USP54: variants seen among roughly 807,000 people sequenced by gnomAD.
USP54 encodes ubiquitin carboxyl-terminal hydrolase 54.
A neutral mutation model predicts 170.5 loss-of-function variants in USP54; 87 were observed. That is an observed-to-expected ratio of 0.51 (90% confidence interval 0.43 to 0.61). The LOEUF (loss-of-function observed/expected upper bound fraction) is 0.61, where lower values mean the gene tolerates loss of function less well. USP54 is among the 20% of genes least tolerant of loss of function. The pLI, the probability that USP54 is intolerant of heterozygous loss-of-function variation, is 0.00. For missense variants in USP54, 1,786 were observed against 2,047.8 expected (o/e 0.87, Z 2.47); for synonymous variants, 655 against 742.8 (o/e 0.88, Z 1.92).
At chr10:73,549,808 T>C (rs928940210) in intron 4 of USP54, among the ~76,000 whole-genome samples, 1 of 152,170 alleles carries the variant, frequency 6.6e-6, no homozygotes, top group Non-Finnish European at 1.5e-5. Flanking sequence ...TTTAAAAATA[T>C]AAATCAGATC....
chr10:73,501,990 C>T (rs1375495008), intron 22 of USP54, among the ~76,000 whole-genome samples: 1 of 152,168 alleles, frequency 6.6e-6, no homozygotes, highest in Non-Finnish European at 1.5e-5. Context: ...CTTTATCATA[C>T]TTATCATTGT....
intron 4 of USP54, among the ~76,000 whole-genome samples, chr10:73,561,924 G>A (rs1354045904): frequency 6.6e-6 from 1 of 151,882 alleles, no homozygotes; most frequent in Non-Finnish European, 1.5e-5. Context: ...CAGACCAGAC[G>A]GGAAGCATAA....
upstream of USP54, among the ~76,000 whole-genome samples, chr10:73,592,988 A>G (rs2078401361): frequency 6.6e-6 from 1 of 152,266 alleles, no homozygotes; most frequent in African/African-American, 2.4e-5. Context: ...ACCCTGTATC[A>G]ACCACTGGGC....
rs2066081524 is a variant in USP54 at position 73,539,427 on chromosome 10, G to A, written c.975+17C>T. 3.2e-6 allele frequency: 5 copies of A among 1,580,142 alleles called. No homozygotes were observed. The highest frequency in any genetic ancestry group is 4.3e-6 in the Non-Finnish European group (5 of 1,161,304). On this transcript the variant is annotated intron_variant, in intron 10 of 23. Transcript: ENST00000687698. ...TGTAGTCACCAAACACTTCAAAAAG[G>A]ACTTGACTACTCCTACCTCCTTGAC... is the stretch of plus-strand genomic sequence containing the variant.
chr10:73,620,092 C>G (rs1218017608), intron 1 of USP54, among the ~76,000 whole-genome samples: 1 of 150,090 alleles, frequency 6.7e-6, no homozygotes, highest in Non-Finnish European at 1.5e-5. Flanking sequence ...GTGGGCAGAT[C>G]ACTTGAGGTC....
intron 1 of USP54, chr10:73,615,269 G>GAA (rs1174128941): frequency 6.7e-6 from 1 of 150,322 alleles, no homozygotes; most frequent in Non-Finnish European, 1.5e-5. Context: ...TGAGGGACAA[G>GAA]AATCGCTTGA....
At chr10:73,572,283 A>C (rs2075338672) in intron 3 of USP54, among the ~76,000 whole-genome samples, 1 of 152,228 alleles carries the variant, frequency 6.6e-6, no homozygotes, top group African/African-American at 2.4e-5. Context: ...GGAGCCTAAG[A>C]AGACATGACA....
At position 73,536,355 on chromosome 10, in the gene USP54, T is replaced by C; in HGVS notation, c.1058A>G (p.Gln353Arg). 3.7e-6 allele frequency: 6 copies of C among 1,613,646 alleles called. No individual in the cohort carries two copies. Among genetic ancestry groups the C allele is most frequent in the Non-Finnish European group, 3.4e-6 (4 of 1,179,752 alleles). Residue 353 changes from glutamine (Q) to arginine (R), a missense_variant, in exon 11 of 24, where the codon CAG becomes CGG. Physicochemically the swap from Gln to Arg is conservative, Grantham distance 43. This residue lies in a region of USP54 where 361 missense variants were observed against 455.0 expected (regional missense o/e 0.79). Coordinates refer to ENST00000687698, the MANE Select transcript of USP54 (RefSeq NM_001391956.1). ...QPLLLLYADP[Q>R]GTPVSTQDLP... ...GTCCTGGGTGGAAACTGGGGTACCC[T>C]GGGGATCTGCATAAAGCAGCAGCAG...
At chr10:73,527,587 C>T (rs117071615) in intron 15 of USP54, among the ~76,000 whole-genome samples, 1,911 of 150,284 alleles carry the variant, frequency 0.013, 16 homozygotes, top group Middle Eastern at 0.025. Flanking sequence ...AGTTATAAAG[C>T]AAACTGAGCC....
rs562177103 is a variant in USP54 at position 73,529,705 on chromosome 10, G to A, written c.2035C>T (p.Leu679=). 6.2e-6 allele frequency: 10 copies of A among 1,614,104 alleles called. No homozygotes were observed. The highest frequency in any genetic ancestry group is 2.2e-5 in the South Asian group (2 of 91,076). ...CTGTAGACATTTGAGCTCTCAGGCA[G>A]GGCTGCATCCAGGCTGACAGGGCTG... is the stretch of plus-strand genomic sequence containing the variant. ...SSSPVSLDAA[L]PESSNVYRDP... The change falls in exon 15 of 24, where the codon CTG becomes TTG. Residue 679 remains leucine (L), a synonymous_variant. Transcript: ENST00000687698.
upstream of USP54, among the ~76,000 whole-genome samples, chr10:73,592,929 A>T (rs1414228774): frequency 6.6e-6 from 1 of 152,248 alleles, no homozygotes; most frequent in Non-Finnish European, 1.5e-5. Flanking sequence ...GACATTTCTT[A>T]TTCCCTCTTC....
intron 22 of USP54, among the ~76,000 whole-genome samples, chr10:73,501,804 C>T (rs1340225056): frequency 4.6e-5 from 7 of 152,118 alleles, no homozygotes; most frequent in Non-Finnish European, 1.0e-4. Context: ...AGTCTTTATA[C>T]TTCCTGTTTC....
At position 73,542,746 on chromosome 10, in the gene USP54, A is replaced by AG; in HGVS notation, c.572+56dup. 4.0e-6 allele frequency: 6 copies of AG among 1,507,166 alleles called. No homozygotes were observed. The South Asian group carries it at 7.2e-5, about 18-fold the overall frequency. The allele number at this position is 1,507,166 out of a possible 1,614,324, so 93.4% of individuals were successfully genotyped here. A position where few individuals can be genotyped will look rare whatever the true frequency, so the allele number is the denominator to read the frequency against. ...ACTCTGTCTCAAAAAAAAAAAAAAA[A>AG]GTCCAATCAACTGGAGGAATGCCTA... On this transcript the variant is annotated intron_variant, in intron 7 of 23. Transcript: ENST00000687698.
At chr10:73,553,408 A>T (rs950852345) in intron 4 of USP54, 2 of 152,244 alleles carry the variant, frequency 1.3e-5, no homozygotes, top group Non-Finnish European at 2.9e-5. Flanking sequence ...GGAGCTCTGG[A>T]AGAAGCTGTA....
At position 73,541,622 on chromosome 10, in the gene USP54, AT is replaced by A; in HGVS notation, c.678+10del. ...TTTCCCACTCCAAACCCCACCCCTG[AT>A]TTAACTCACTGGACAGTTCCGCAGA... On this transcript the variant is annotated intron_variant, in intron 8 of 23. Coordinates refer to ENST00000687698, the MANE Select transcript of USP54 (RefSeq NM_001391956.1). 6.2e-7 allele frequency: 1 copy of A among 1,613,986 alleles called. No homozygotes were observed. The highest frequency in any genetic ancestry group is 8.5e-7 in the Non-Finnish European group (1 of 1,179,972).
chr10:73,510,448 A>G (rs1248556408), intron 20 of USP54, among the ~76,000 whole-genome samples: 4 of 149,440 alleles, frequency 2.7e-5, no homozygotes, highest in African/African-American at 9.8e-5. Flanking sequence ...TATAACATTT[A>G]TTCTTTTTTT....
intron 1 of USP54, among the ~76,000 whole-genome samples, chr10:73,597,770 G>A (rs1248161265): frequency 6.6e-6 from 1 of 152,200 alleles, no homozygotes; most frequent in Non-Finnish European, 1.5e-5. Context: ...CCATTCAGTG[G>A]TTATATAAGT....
intron 4 of USP54, among the ~76,000 whole-genome samples, chr10:73,547,683 A>G (rs1221022236): frequency 6.6e-6 from 1 of 152,210 alleles, no homozygotes; most frequent in Admixed American, 6.5e-5. Flanking sequence ...AGCCATATGT[A>G]GAAAGCTGAA....
chr10:73,555,918 A>G (rs922226356), intron 4 of USP54, among the ~76,000 whole-genome samples: 21 of 152,166 alleles, frequency 1.4e-4, no homozygotes, highest in Admixed American at 1.4e-3. Context: ...CCAAATTTTA[A>G]AAAAAAGCTG....
Sources: gnomAD v4.1 joint callset for allele counts (sites outside exome capture counted in the v4.1 genomes callset) on GRCh38, gnomAD v4.1.1 for gene constraint, gnomAD v4.1.1 regional missense constraint, MANE v1.5 for transcripts, NCBI Gene and HGNC (gene_info 2026-07-23, HGNC 2026-07-21) for gene names.